The following RPS9 variants were observed in gnomAD, a reference collection of about 807,000 sequenced individuals.
The protein encoded by RPS9 is small ribosomal subunit protein uS4.
RPS9 carries 1 observed loss-of-function variant against 16.9 expected under a neutral mutation model. That is an observed-to-expected ratio of 0.06 (90% CI 0.02 to 0.28). The LOEUF is 0.28. Among genes scored for constraint, RPS9 ranks in the 10% least tolerant of loss-of-function variants. The pLI is 1.00. For missense variants in RPS9, 137 were observed against 273.2 expected, an observed-to-expected ratio of 0.50 and a Z score of 3.51; for synonymous variants, 106 against 110.9, an observed-to-expected ratio of 0.96 and a Z score of 0.28.
intron 3 of RPS9, among the ~76,000 whole-genome samples, chr19:54,205,638 C>T (rs1026485459): frequency 6.6e-6 from 1 of 152,030 alleles, no homozygotes; most frequent in African/African-American, 2.4e-5. Flanking sequence ...AGCTTAATAG[C>T]AGCTGCATTT....
At chr19:54,201,870 C>T (rs2147133561) in intron 3 of RPS9, 3 of 600,174 alleles carry the variant, frequency 5.0e-6, no homozygotes, top group East Asian at 3.0e-5. Context: ...CCTGGCACAC[C>T]TGGGCACCCG....
chr19:54,206,268 C>T lies in RPS9; in HGVS notation c.221-8C>T. 2 of 1,610,180 alleles carry T rather than the reference C, an allele frequency of 1.2e-6. No homozygotes were observed. The highest frequency in any genetic ancestry group is 1.7e-6 in the Non-Finnish European group (2 of 1,176,814). ...GGCGGAATCAGTGTTTCCTCCCACTCTTCCCAGGCAACGCCCTGCTGCGGC... is the reference window on the plus strand; with the variant it reads ...GGCGGAATCAGTGTTTCCTCCCACTTTTCCCAGGCAACGCCCTGCTGCGGC... On this transcript the variant is annotated splice_polypyrimidine_tract_variant and splice_region_variant and intron_variant, in intron 3 of 4. Transcript: ENST00000302907.
At chr19:54,205,311 G>A (rs1261646522) in intron 3 of RPS9, among the ~76,000 whole-genome samples, 1 of 151,798 alleles carries the variant, frequency 6.6e-6, no homozygotes, top group Non-Finnish European at 1.5e-5. Flanking sequence ...ACAGGGTAAG[G>A]AGCAAGCCGT....
chr19:54,202,997 C>G (rs2077113778), intron 3 of RPS9: 1 of 979,840 alleles, frequency 1.0e-6, no homozygotes, highest in Admixed American at 6.2e-5. Flanking sequence ...CGCACCTGAC[C>G]CTTTCATTCT....
intron 3 of RPS9, 124 bp from the exon 4 acceptor site, chr19:54,206,152 A>G (rs2147156361): frequency 1.1e-6 from 1 of 901,424 alleles, no homozygotes; most frequent in Non-Finnish European, 1.7e-6. Context: ...GGTCACGGTG[A>G]TGGCGCTGTA....
In RPS9 at chr19:54,201,482, A is replaced by G. The variant is rs771550071; in HGVS notation, c.98-5A>G. On this transcript the variant is annotated splice_region_variant and splice_polypyrimidine_tract_variant and intron_variant, in intron 2 of 4. Transcript: ENST00000302907. ...TACACTTGTCCACCCCCTTCTCCCC[A>G]CCAGGCGAGTATGGGCTCCGGAACA... 7 of 1,613,876 alleles carry G rather than the reference A, an allele frequency of 4.3e-6. No individual in the cohort carries two copies. The highest frequency in any genetic ancestry group is 4.2e-6 in the Non-Finnish European group (5 of 1,179,936).
chr19:54,203,674 G>T (rs991055427), intron 3 of RPS9, among the ~76,000 whole-genome samples: 2 of 152,166 alleles, frequency 1.3e-5, no homozygotes, highest in African/African-American at 4.8e-5. Flanking sequence ...GGGAGGCTGA[G>T]GCAGGAGAAT....
At chr19:54,201,680 T>A in intron 3 of RPS9, 71 bp downstream of exon 3, 1 of 1,594,286 alleles carries the variant, frequency 6.3e-7, no homozygotes, top group Non-Finnish European at 8.6e-7. Flanking sequence ...TTCTGTTGCC[T>A]CTGTTCCAGT....
Position 54,206,314 on chromosome 19 carries a change from C to A in RPS9, c.259C>A (p.Leu87Met), listed in dbSNP as rs745457807. 1 of 1,614,104 alleles carries A rather than the reference C, an allele frequency of 6.2e-7. No homozygotes were observed. The highest frequency in any genetic ancestry group is 1.7e-5 in the Admixed American group (1 of 60,026). The change falls in exon 4 of 5, where the codon CTG (leucine) becomes ATG (methionine). Residue 87 changes from leucine (L) to methionine (M), a missense_variant. By Grantham distance (15) the Leu-to-Met change is conservative. Coordinates refer to ENST00000302907, the MANE Select transcript of RPS9 (RefSeq NM_001013.4). The stretch of plus-strand genomic sequence containing the variant: ...GCGGCGGCTGGTCCGCATTGGGGTG[C>A]TGGATGAGGGCAAGATGAAGCTGGA... ...LLRRLVRIGV[L>M]DEGKMKLDYI...
At chr19:54,202,424 A>G (rs1316607968) in intron 3 of RPS9, 1 of 985,108 alleles carries the variant, frequency 1.0e-6, no homozygotes, top group African/African-American at 1.7e-5. Context: ...AAGCTGGTCA[A>G]GGACATTTAG....
chr19:54,203,028 C>T (rs976414758), intron 3 of RPS9: 72 of 984,814 alleles, frequency 7.3e-5, no homozygotes, highest in Admixed American at 6.2e-4. Flanking sequence ...TTGTAGACCC[C>T]GTTGATAATC....
intron 3 of RPS9, chr19:54,202,974 A>C (rs1395325880): frequency 1.0e-6 from 1 of 966,824 alleles, no homozygotes; most frequent in Non-Finnish European, 1.2e-6. Flanking sequence ...CTGGGGTTAC[A>C]GGTGTAAGCC....
intron 3 of RPS9, among the ~76,000 whole-genome samples, chr19:54,203,618 C>G (rs117107587): frequency 9.2e-5 from 14 of 152,026 alleles, no homozygotes; most frequent in Non-Finnish European, 1.8e-4. Context: ...ACGAAAAATA[C>G]AAAAATTAGC....
chr19:54,203,041 A>G (rs1280754929), intron 3 of RPS9: 34 of 980,636 alleles, frequency 3.5e-5, no homozygotes, highest in Non-Finnish European at 4.1e-5. Flanking sequence ...TGATAATCTC[A>G]TGAAAGTGCT....
intron 3 of RPS9, chr19:54,202,693 C>T (rs1264991545): frequency 1.1e-5 from 11 of 985,258 alleles, no homozygotes; most frequent in East Asian, 1.1e-4. Flanking sequence ...TATCCTGAGA[C>T]GCTGCTTTTG....
Position 54,207,444 on chromosome 19 carries a change from G to C in RPS9, c.454G>C (p.Asp152His). Reference protein sequence around the residue: ...VNIPSFIVRLDSQKHIDFSLR... With the variant: ...VNIPSFIVRLHSQKHIDFSLR... ...CATCCCGTCCTTCATTGTCCGCCTG[G>C]ATTCCCAGAAGCACATCGACTTCTC... Residue 152 changes from aspartate (D) to histidine (H), a missense_variant, in exon 5 of 5, where the codon GAT becomes CAT. Transcript: ENST00000302907. 1 of 1,613,752 alleles carries C rather than the reference G, an allele frequency of 6.2e-7. No homozygotes were observed. The highest frequency in any genetic ancestry group is 8.5e-7 in the Non-Finnish European group (1 of 1,179,912).
At chr19:54,205,764 C>T (rs558465660) in intron 3 of RPS9, among the ~76,000 whole-genome samples, 51 of 152,296 alleles carry the variant, frequency 3.3e-4, no homozygotes, top group Non-Finnish European at 6.0e-4. Flanking sequence ...GCCCTCCTGT[C>T]ATCTGCAGTT....
intron 3 of RPS9, chr19:54,202,744 T>C (rs2077102542): frequency 1.0e-6 from 1 of 985,340 alleles, no homozygotes; most frequent in African/African-American, 1.7e-5. Context: ...AAAAGCAGTC[T>C]CTACACCTGA....
At chr19:54,201,686 C>T in intron 3 of RPS9, 77 bp downstream of exon 3, 1 of 1,588,722 alleles carries the variant, frequency 6.3e-7, no homozygotes, top group Non-Finnish European at 8.6e-7. Context: ...TGCCTCTGTT[C>T]CAGTGATGAG....
Sources: gnomAD v4.1 joint callset for allele counts (sites outside exome capture counted in the v4.1 genomes callset) on GRCh38, gnomAD v4.1.1 for gene constraint, MANE v1.5 for transcripts, NCBI Gene and HGNC (gene_info 2026-07-23, HGNC 2026-07-21) for gene names.